The following NRXN1 variants were observed in gnomAD, a reference collection of about 807,000 sequenced individuals.
NRXN1 encodes the protein neurexin-1.
Under a neutral mutation model 150.9 loss-of-function variants are expected in NRXN1, and 39 were observed. The ratio of observed to expected loss-of-function variants is 0.26; its 90% CI spans 0.20 to 0.34. The LOEUF (loss-of-function observed/expected upper bound fraction) is 0.34, where lower values mean the gene tolerates loss of function less well. Among genes scored for constraint, NRXN1 ranks in the 10% least tolerant of loss-of-function variants. The pLI is 1.00. For synonymous variants in NRXN1, 924 were observed against 757.0 expected (o/e 1.22, Z -3.62); for missense variants, 1,815 against 1,949.9 (o/e 0.93, Z 1.30).
chr2:51,028,228 G>C lies in NRXN1; in HGVS notation c.46C>G (p.Leu16Val). 6.8e-7 allele frequency: 1 copy of C among 1,474,840 alleles called. No individual in the cohort carries two copies. Among genetic ancestry groups the C allele is most frequent in the African/African-American group, 1.4e-5 (1 of 71,126 alleles). The allele number at this position is 1,474,840 out of a possible 1,614,324, so 91.4% of individuals were successfully genotyped here. A position where few individuals can be genotyped will look rare whatever the true frequency, so the allele number is the denominator to read the frequency against. ...CAGCAGCCCAGGAGCAGCAGCGAGA[G>C]GCACAGAAGAAAACAGCCCCCGCGC... is the stretch of plus-strand genomic sequence containing the variant. ...LQRGGCFLLC[L>V]SLLLLGCWAE... Residue 16 changes from leucine to valine, a missense_variant, in exon 2 of 23, where the codon CTC becomes GTC. Around this residue, in one of 6 missense-constraint regions of NRXN1, gnomAD observed 554 missense variants for 478.8 expected, o/e 1.16. Transcript: ENST00000401669.
chr2:50,492,197 T>C (rs530081355), intron 15 of NRXN1, among the ~76,000 whole-genome samples: 16 of 152,310 alleles, frequency 1.1e-4, no homozygotes, highest in African/African-American at 2.9e-4. Context: ...AGCAAATTTC[T>C]GCTGCTCCTT....
At chr2:50,312,231 A>G (rs1305542969) in intron 17 of NRXN1, among the ~76,000 whole-genome samples, 2 of 152,158 alleles carry the variant, frequency 1.3e-5, no homozygotes, top group Admixed American at 1.3e-4. Context: ...CACAGGAGGA[A>G]CCTGGATATG....
At chr2:50,395,959 G>T (rs375017780) in intron 17 of NRXN1, among the ~76,000 whole-genome samples, 1 of 152,078 alleles carries the variant, frequency 6.6e-6, no homozygotes, top group East Asian at 1.9e-4. Context: ...CTGTCGTTAG[G>T]GACTAAGGTT....
chr2:50,526,233 T>C (rs1340963100), intron 12 of NRXN1, among the ~76,000 whole-genome samples: 1 of 152,186 alleles, frequency 6.6e-6, no homozygotes, highest in Non-Finnish European at 1.5e-5. Context: ...TATTAGTCTT[T>C]AATGTAAGAT....
At chr2:50,908,429 T>C (rs1684051198) in intron 5 of NRXN1, among the ~76,000 whole-genome samples, 1 of 151,798 alleles carries the variant, frequency 6.6e-6, no homozygotes, top group South Asian at 2.1e-4. Context: ...AACAGAAGTA[T>C]TATTTCCAAA....
chr2:50,557,377 G>A (rs1239835019), intron 8 of NRXN1, among the ~76,000 whole-genome samples: 2 of 152,134 alleles, frequency 1.3e-5, no homozygotes, highest in African/African-American at 4.8e-5. Flanking sequence ...GTGTTGTTTA[G>A]ATATTTAGAC....
chr2:49,985,812 G>A (rs1001634084), intron 21 of NRXN1, among the ~76,000 whole-genome samples: 2 of 151,966 alleles, frequency 1.3e-5, no homozygotes, highest in Non-Finnish European at 2.9e-5. Context: ...TACATTGCTT[G>A]ATATTTACAA....
intron 22 of NRXN1, among the ~76,000 whole-genome samples, chr2:49,928,844 C>G (rs992525877): frequency 2.6e-5 from 4 of 152,110 alleles, no homozygotes; most frequent in Non-Finnish European, 4.4e-5. Context: ...AAATTCCTTC[C>G]CTTCTCCCTC....
At chr2:50,796,576 G>C (rs1216822463) in intron 5 of NRXN1, among the ~76,000 whole-genome samples, 14 of 152,122 alleles carry the variant, frequency 9.2e-5, no homozygotes, top group Admixed American at 8.5e-4. Flanking sequence ...TAGTTCAAAA[G>C]TTTGGCTTTC....
At chr2:50,380,793 A>G (rs1316217513) in intron 17 of NRXN1, among the ~76,000 whole-genome samples, 1 of 152,142 alleles carries the variant, frequency 6.6e-6, no homozygotes, top group Admixed American at 6.6e-5. Flanking sequence ...GTCTATCTCA[A>G]TTCTAAGAAA....
At chr2:50,615,706 C>G (rs1235804311) in intron 8 of NRXN1, 5 of 152,112 alleles carry the variant, frequency 3.3e-5, no homozygotes, top group Admixed American at 3.3e-4. Context: ...GACTTTTCTA[C>G]AGGAAAATGC....
intron 17 of NRXN1, among the ~76,000 whole-genome samples, chr2:50,357,302 AT>A (rs10597647): frequency 1.2e-4 from 17 of 142,882 alleles, no homozygotes; most frequent in East Asian, 2.5e-4. Flanking sequence ...TTATTTATTT[AT>A]TTTTTTTTTT....
At chr2:50,196,068 T>C (rs778205570) in intron 18 of NRXN1, among the ~76,000 whole-genome samples, 39 of 152,204 alleles carry the variant, frequency 2.6e-4, no homozygotes, top group Middle Eastern at 3.4e-3. Context: ...TATCAACCTA[T>C]CAACTAGGTA....
At position 50,218,205 on chromosome 2, in the gene NRXN1, T is replaced by C. The variant is rs532579684; in HGVS notation, c.3546+18584A>G. ...GGAGAGTTTTCACTATTCAAGTTTATTGAAGCATATGCAATATCTCATCCA... is the reference window on the plus strand; with the variant it reads ...GGAGAGTTTTCACTATTCAAGTTTACTGAAGCATATGCAATATCTCATCCA... On this transcript the variant is annotated intron_variant, in intron 18 of 22. Transcript: ENST00000401669. Among the ~76,000 whole-genome samples the C allele has an allele frequency of 1.0e-3, 155 of 152,202 alleles. 2 individuals carry two copies. Among genetic ancestry groups the C allele is most frequent in the Non-Finnish European group, 1.9e-3 (128 of 67,986 alleles).
chr2:50,845,566 C>T (rs1673521277), intron 5 of NRXN1, among the ~76,000 whole-genome samples: 2 of 152,186 alleles, frequency 1.3e-5, no homozygotes, highest in African/African-American at 4.8e-5. Context: ...CTTGTTAACT[C>T]TCTGTTTTTC....
At chr2:50,606,240 C>A (rs1677097109) in intron 8 of NRXN1, among the ~76,000 whole-genome samples, 1 of 122,742 alleles carries the variant, frequency 8.1e-6, no homozygotes, top group Non-Finnish European at 1.6e-5. Context: ...CAGAGTGAGA[C>A]TCTGTTTCAG....
At chr2:50,230,589 A>C (rs2064846600) in intron 18 of NRXN1, among the ~76,000 whole-genome samples, 1 of 152,098 alleles carries the variant, frequency 6.6e-6, no homozygotes, top group Admixed American at 6.6e-5. Context: ...CAAGCCTCTA[A>C]GTGGTAAGTA....
At chr2:50,112,682 TG>T (rs1466779889) in intron 18 of NRXN1, among the ~76,000 whole-genome samples, 2 of 152,194 alleles carry the variant, frequency 1.3e-5, no homozygotes, top group African/African-American at 4.8e-5. Context: ...CAAATGTGTC[TG>T]GGGGTGTGTC....
chr2:50,525,191 G>A (rs1430177307), intron 12 of NRXN1, among the ~76,000 whole-genome samples: 2 of 152,104 alleles, frequency 1.3e-5, no homozygotes, highest in Admixed American at 1.3e-4. Flanking sequence ...AATAATTCAC[G>A]TGCTAGTCAC....
Sources: allele counts gnomAD v4.1 joint callset (sites outside exome capture counted in the v4.1 genomes callset), GRCh38; gene constraint gnomAD v4.1.1; regional missense constraint gnomAD v4.1.1; transcripts MANE v1.5; gene names NCBI Gene and HGNC (gene_info 2026-07-23, HGNC 2026-07-21).